Variants in TRIP13 observed in about 807,000 individuals in gnomAD.
TRIP13 encodes the protein thyroid hormone receptor interactor 13.
Under a neutral mutation model 54.4 loss-of-function variants are expected in TRIP13, and 25 were observed. The ratio of observed to expected loss-of-function variants is 0.46; its 90% confidence interval spans 0.33 to 0.64. The LOEUF (loss-of-function observed/expected upper bound fraction) is 0.64, where lower values mean the gene tolerates loss of function less well. TRIP13 is among the 30% of genes least tolerant of loss of function. TRIP13 has a pLI of 0.02. For synonymous variants in TRIP13, 207 were observed against 207.8 expected, an observed-to-expected ratio of 1.00 and a Z score of 0.03; for missense variants, 373 against 534.2, an observed-to-expected ratio of 0.70 and a Z score of 2.97.
Position 908,527 on chromosome 5 carries a change from A to C in TRIP13, c.866+66A>C. Reference sequence around the variant, plus strand: ...GAAGTTTGTCCCAAAGAAATGCGTGATACTTGTGCAACCCTAGATCTTAGT... The same window carrying C: ...GAAGTTTGTCCCAAAGAAATGCGTGCTACTTGTGCAACCCTAGATCTTAGT... On this transcript the variant is annotated intron_variant, in intron 9 of 12. Coordinates refer to ENST00000166345, the MANE Select transcript of TRIP13 (RefSeq NM_004237.4). This position sits in a 1 kb window ranked among gnomAD's most constrained non-coding sequence, Gnocchi z 5.2. 3 of 1,598,982 alleles carry C rather than the reference A, an allele frequency of 1.9e-6. No individual in the cohort carries two copies. The highest frequency in any genetic ancestry group is 2.6e-6 in the Non-Finnish European group (3 of 1,174,170).
Position 908,468 on chromosome 5 carries a change from A to G in TRIP13, c.866+7A>G. 1 of 1,613,498 alleles carries G rather than the reference A, an allele frequency of 6.2e-7. No individual in the cohort carries two copies. ...AAATTGATCAGATTAAAAGGTAACC[A>G]GGACATGCAGCAATTTTCCCTGAGA... On this transcript the variant is annotated splice_region_variant and intron_variant, in intron 9 of 12. Coordinates refer to ENST00000166345, the MANE Select transcript of TRIP13 (RefSeq NM_004237.4). This position sits in a 1 kb window ranked among gnomAD's most constrained non-coding sequence, Gnocchi z 5.2.
Position 917,109 on chromosome 5 carries a change from G to A in TRIP13, c.*6G>A. 6.2e-7 allele frequency: 1 copy of A among 1,613,634 alleles called. No individual in the cohort carries two copies. Among genetic ancestry groups the A allele is most frequent in the Non-Finnish European group, 8.5e-7 (1 of 1,179,830 alleles). ...AGCTTGCAGCTTACATCTGATCCTG[G>A]GCTTCCCCATCTGGTGCTTTTCCCA... On this transcript the variant is annotated 3_prime_UTR_variant, in exon 13 of 13. Coordinates refer to ENST00000166345, the MANE Select transcript of TRIP13 (RefSeq NM_004237.4).
In TRIP13 at chr5:896,683, T is replaced by C. The variant is rs144634558; in HGVS notation, c.277T>C (p.Cys93Arg). 5.7e-4 allele frequency: 913 copies of C among 1,613,426 alleles called. 6 individuals are homozygous for C. In the African/African-American group the frequency reaches 0.011, roughly 19 times the overall value. Residue 93 changes from cysteine to arginine, a missense_variant, in exon 3 of 13, where the codon TGC becomes CGC. Cys to Arg is a radical substitution (Grantham distance 180). Around this residue, in one of 4 missense-constraint regions of TRIP13, gnomAD observed 151 missense variants for 151.9 expected, o/e 0.99. Transcript: ENST00000166345. ...ATTTTAGCCCATCGATTTGAGTGCA[T>C]GCACTGTTGCACTTCACATTTTCCA... ...KDSQPIDLSACTVALHIFQLN... is the reference protein window; with the variant it reads ...KDSQPIDLSARTVALHIFQLN...
chr5:900,450 T>G (rs1753960093), intron 3 of TRIP13, 44 bp from the exon 4 acceptor site: 2 of 1,609,886 alleles, frequency 1.2e-6, no homozygotes, highest in Non-Finnish European at 8.5e-7. Context: ...TGGCTGTAAT[T>G]GCTTGCCTTC....
At chr5:914,322 G>A in intron 10 of TRIP13, 143 bp from the exon 11 acceptor site, 1 of 653,342 alleles carries the variant, frequency 1.5e-6, no homozygotes, top group Non-Finnish European at 2.7e-6. Flanking sequence ...GTGCAGCTGT[G>A]CATCTTGAGT....
Position 917,804 on chromosome 5 carries a change from T to C in TRIP13, c.*701T>C, listed in dbSNP as rs1202822459. The stretch of plus-strand genomic sequence containing the variant: ...TATGGGCGCCCCTGCATTGCTGGGA[T>C]GTTTCTGCCCACGGTTTTGTTTGTG... On this transcript the variant is annotated 3_prime_UTR_variant, in exon 13 of 13. Transcript: ENST00000166345. The C allele has an allele frequency of 2.0e-5, 3 of 152,234 alleles. No homozygotes were observed. The highest frequency in any genetic ancestry group is 7.2e-5 in the African/African-American group (3 of 41,460). 9.4% of individuals were successfully genotyped at this position (152,234 alleles called of 1,614,324 possible).
chr5:900,058 G>A (rs1164787595), intron 3 of TRIP13, among the ~76,000 whole-genome samples: 1 of 152,252 alleles, frequency 6.6e-6, no homozygotes, highest in African/African-American at 2.4e-5. Flanking sequence ...ACAATTGTAA[G>A]TGGCTATGAT....
intron 5 of TRIP13, among the ~76,000 whole-genome samples, chr5:903,147 G>A (rs1410517852): frequency 6.6e-6 from 1 of 152,046 alleles, no homozygotes; most frequent in Non-Finnish European, 1.5e-5. Flanking sequence ...GGGGGAAAGG[G>A]AGACTCCCTT....
Position 911,298 on chromosome 5 carries a change from G to C in TRIP13, c.867-545G>C, listed in dbSNP as rs940447693. Among the ~76,000 whole-genome samples, 2 of 152,014 alleles carry C rather than the reference G, an allele frequency of 1.3e-5. No individual in the cohort carries two copies. The highest frequency in any genetic ancestry group is 1.5e-5 in the Non-Finnish European group (1 of 67,978). ...AAGTGAGATCCTTGCTAGGCCGGGC[G>C]CGGTGGCTTACGCCTGTAATCCCAG... is the stretch of plus-strand genomic sequence containing the variant. On this transcript the variant is annotated intron_variant, in intron 9 of 12. Transcript: ENST00000166345. The surrounding 1 kb of genome is among the most constrained non-coding windows in gnomAD (Gnocchi z 4.7).
rs1472880061 is a variant in TRIP13 at position 893,662 on chromosome 5, C to A, written c.92+572C>A. ...GCTCCCTGGAGTGGGGGGAACTCAG[C>A]GGCGGGGCCAGACCTTCACAGACCC... On this transcript the variant is annotated intron_variant, in intron 1 of 12. Coordinates refer to ENST00000166345, the MANE Select transcript of TRIP13 (RefSeq NM_004237.4). 4 of 160,792 alleles carry A rather than the reference C, an allele frequency of 2.5e-5. No individual in the cohort carries two copies. The South Asian group carries it at 6.1e-4, about 24-fold the overall frequency. The allele number at this position is 160,792 out of a possible 1,614,324, so 10.0% of individuals were successfully genotyped here.
intron 1 of TRIP13, among the ~76,000 whole-genome samples, chr5:894,205 C>T (rs1333290810): frequency 6.6e-6 from 1 of 152,144 alleles, no homozygotes; most frequent in Admixed American, 6.5e-5. Context: ...TAGAGGGTGA[C>T]TGCAGTTGAT....
chr5:896,448 A>C (rs919394736), intron 2 of TRIP13, among the ~76,000 whole-genome samples: 3 of 152,220 alleles, frequency 2.0e-5, no homozygotes, highest in African/African-American at 7.2e-5. Context: ...TCTGTAAGTA[A>C]ATGTAGGGCC....
chr5:892,950 G>A lies in TRIP13; in HGVS notation c.-49G>A, dbSNP rs1167242251. 4 of 1,430,232 alleles carry A rather than the reference G, an allele frequency of 2.8e-6. No homozygotes were observed. The allele number at this position is 1,430,232 out of a possible 1,614,324, so 88.6% of individuals were successfully genotyped here. On this transcript the variant is annotated 5_prime_UTR_variant, in exon 1 of 13. The change creates a new upstream start codon in the 5' untranslated region. Coordinates refer to ENST00000166345, the MANE Select transcript of TRIP13 (RefSeq NM_004237.4). ...CTGTGGCGGCGACGCTGGGCGTGAG[G>A]TGGCGGCGGCCGCGCCCTGGTTGGG...
rs1391575633 is a variant in TRIP13 at position 917,137 on chromosome 5, G to A, written c.*34G>A. 3 of 1,607,630 alleles carry A rather than the reference G, an allele frequency of 1.9e-6. No individual in the cohort carries two copies. The highest frequency in any genetic ancestry group is 2.6e-6 in the Non-Finnish European group (3 of 1,175,354). On this transcript the variant is annotated 3_prime_UTR_variant, in exon 13 of 13. Coordinates refer to ENST00000166345, the MANE Select transcript of TRIP13 (RefSeq NM_004237.4). ...TTCCCCATCTGGTGCTTTTCCCATG[G>A]AGAACACACAACCAGTAAGTGAGGT...
intron 6 of TRIP13, among the ~76,000 whole-genome samples, chr5:904,705 A>G (rs1169171860): frequency 6.6e-6 from 1 of 151,542 alleles, no homozygotes; most frequent in Non-Finnish European, 1.5e-5. Context: ...CTTTAGAAAT[A>G]TGTTTTATTC....
chr5:896,576 T>G lies in TRIP13; in HGVS notation c.259-89T>G, dbSNP rs532540329. 2.8e-6 allele frequency: 4 copies of G among 1,411,736 alleles called. No individual in the cohort carries two copies. The East Asian group carries it at 9.4e-5, about 33-fold the overall frequency. 87.5% of individuals were successfully genotyped at this position (1,411,736 alleles called of 1,614,324 possible). ...TTGATTATACTGTACATTCAGTTTTTATTTGTAGACCTTAACATCTAATTT... is the reference window on the plus strand; with the variant it reads ...TTGATTATACTGTACATTCAGTTTTGATTTGTAGACCTTAACATCTAATTT... On this transcript the variant is annotated intron_variant, in intron 2 of 12. Coordinates refer to ENST00000166345, the MANE Select transcript of TRIP13 (RefSeq NM_004237.4).
intron 4 of TRIP13, 90 bp from the exon 5 acceptor site, chr5:901,251 T>C (rs1383961620): frequency 1.6e-5 from 18 of 1,159,858 alleles, no homozygotes; most frequent in Non-Finnish European, 2.3e-5. Context: ...CCTCTTCTCA[T>C]GTAGGATTAA....
At chr5:901,531 C>G in intron 5 of TRIP13, 100 bp downstream of exon 5, 1 of 1,091,922 alleles carries the variant, frequency 9.2e-7, no homozygotes, top group Non-Finnish European at 1.3e-6. Flanking sequence ...TCTTTGTTTT[C>G]TGAAGGAGCC....
chr5:902,989 AC>A (rs1420290524), intron 5 of TRIP13, among the ~76,000 whole-genome samples: 3 of 152,236 alleles, frequency 2.0e-5, no homozygotes, highest in Non-Finnish European at 4.4e-5. Context: ...AGCCAGGTGT[AC>A]AGGATGGAAC....
Sources: allele counts gnomAD v4.1 joint callset (sites outside exome capture counted in the v4.1 genomes callset), GRCh38; gene constraint gnomAD v4.1.1; regional missense constraint gnomAD v4.1.1; non-coding constraint Gnocchi (gnomAD v3.1); transcripts MANE v1.5; gene names NCBI Gene and HGNC (gene_info 2026-07-23, HGNC 2026-07-21).